Variants in CDH12 observed in about 807,000 individuals in gnomAD.
CDH12 encodes cadherin-12.
Under a neutral mutation model 74.1 loss-of-function variants are expected in CDH12, and 41 were observed. The observed-to-expected ratio is 0.55, with a 90% CI of 0.43 to 0.72. CDH12 has a LOEUF of 0.72. CDH12 is among the 30% of genes least tolerant of loss of function. The probability of loss-of-function intolerance (pLI) is 0.00; values close to 1 mark genes in which losing one functional copy is unlikely to be tolerated. For synonymous variants in CDH12, 399 were observed against 355.0 expected (o/e 1.12, Z -1.39); for missense variants, 945 against 977.2 (o/e 0.97, Z 0.44).
intron 3 of CDH12, among the ~76,000 whole-genome samples, chr5:22,287,450 C>A (rs1398201618): frequency 6.6e-6 from 1 of 151,856 alleles, no homozygotes; most frequent in Admixed American, 6.6e-5. Flanking sequence ...ACAGGCTGGG[C>A]GCGGTGGCTC....
intron 1 of CDH12, among the ~76,000 whole-genome samples, chr5:22,704,911 T>G (rs1164353919): frequency 6.6e-6 from 1 of 151,956 alleles, no homozygotes; most frequent in Non-Finnish European, 1.5e-5. Flanking sequence ...TTATACAATG[T>G]ATAAAAAACA....
chr5:22,381,920 A>AAT (rs1005645266), intron 3 of CDH12, among the ~76,000 whole-genome samples: 27 of 149,800 alleles, frequency 1.8e-4, no homozygotes, highest in Admixed American at 1.1e-3. Context: ...ATTTAATGGA[A>AAT]ATATATATAT....
chr5:21,990,654 T>A, intron 5 of CDH12, among the ~76,000 whole-genome samples: 1 of 152,044 alleles, frequency 6.6e-6, no homozygotes, highest in Non-Finnish European at 1.5e-5. Flanking sequence ...TAGAAAAAGC[T>A]ATCAAGCTTC....
At chr5:21,966,460 CAG>C (rs922211033) in intron 6 of CDH12, among the ~76,000 whole-genome samples, 5 of 152,060 alleles carry the variant, frequency 3.3e-5, no homozygotes, top group Non-Finnish European at 7.4e-5. Flanking sequence ...ATTTAGCTCA[CAG>C]AGTTTAGCTT....
At position 21,886,670 on chromosome 5, in the gene CDH12, A is replaced by G. The variant is rs560534331; in HGVS notation, c.527-31880T>C. On this transcript the variant is annotated intron_variant, in intron 6 of 14. Transcript: ENST00000382254. ...TTTTTTTCCATTAACATGTCTTCAA[A>G]TATTACACATAAGCACTTAATCTCT... is the stretch of plus-strand genomic sequence containing the variant. Among the ~76,000 whole-genome samples the G allele has an allele frequency of 2.3e-4, 34 of 150,790 alleles. No individual in the cohort carries two copies. In the South Asian group the frequency reaches 2.3e-3, roughly 10 times the overall value.
intron 11 of CDH12, among the ~76,000 whole-genome samples, chr5:21,769,074 G>A (rs1208870533): frequency 6.6e-6 from 1 of 151,964 alleles, no homozygotes; most frequent in Admixed American, 6.6e-5. Context: ...TAGTCCATTC[G>A]TGATAAAAAC....
At chr5:22,731,360 T>G (rs1372259910) in intron 1 of CDH12, among the ~76,000 whole-genome samples, 1 of 151,866 alleles carries the variant, frequency 6.6e-6, no homozygotes, top group Non-Finnish European at 1.5e-5. Flanking sequence ...ATTATAAAAT[T>G]AGTAAGTGTA....
At chr5:22,301,087 C>T (rs1340551695) in intron 3 of CDH12, among the ~76,000 whole-genome samples, 1 of 151,924 alleles carries the variant, frequency 6.6e-6, no homozygotes, top group Non-Finnish European at 1.5e-5. Flanking sequence ...ATTTTATATA[C>T]TTTGTCCTTT....
intron 1 of CDH12, among the ~76,000 whole-genome samples, chr5:22,725,384 T>G (rs1744112417): frequency 6.6e-6 from 1 of 151,890 alleles, no homozygotes; most frequent in African/African-American, 2.4e-5. Flanking sequence ...TACTGTTTAT[T>G]ATAGTATTGA....
chr5:22,441,857 C>T (rs1370871117), intron 2 of CDH12, among the ~76,000 whole-genome samples: 1 of 152,016 alleles, frequency 6.6e-6, no homozygotes, highest in Non-Finnish European at 1.5e-5. Context: ...GCGTCTGCCA[C>T]CATGCCTGGC....
At chr5:22,452,355 C>A (rs1233852086) in intron 2 of CDH12, among the ~76,000 whole-genome samples, 2 of 151,726 alleles carry the variant, frequency 1.3e-5, no homozygotes, top group African/African-American at 4.8e-5. Context: ...ACAGCATAAT[C>A]CTAGCATAAA....
At position 22,368,073 on chromosome 5, in the gene CDH12, T is replaced by C. The variant is rs540052652; in HGVS notation, c.-333+37184A>G. 3.3e-5 allele frequency among the ~76,000 whole-genome samples: 5 copies of C among 152,296 alleles called. No individual in the cohort carries two copies. In the South Asian group the frequency reaches 1.0e-3, roughly 32 times the overall value. On this transcript the variant is annotated intron_variant, in intron 3 of 14. Transcript: ENST00000382254. ...AATGTAACTTCTGCAGTCTTCTATA[T>C]CTATAGACATATGTTAAGGCAAATT...
intron 1 of CDH12, among the ~76,000 whole-genome samples, chr5:22,782,484 C>G (rs1329684332): frequency 6.6e-6 from 1 of 152,146 alleles, no homozygotes; most frequent in African/African-American, 2.4e-5. Flanking sequence ...CTTTTGCTTT[C>G]CGTCATAATT....
At chr5:22,256,344 C>T (rs1460730918) in intron 3 of CDH12, among the ~76,000 whole-genome samples, 1 of 152,060 alleles carries the variant, frequency 6.6e-6, no homozygotes, top group Non-Finnish European at 1.5e-5. Context: ...ACACTGTAGC[C>T]ACCTTAACAT....
chr5:22,828,378 A>T (rs935866601), intron 1 of CDH12, among the ~76,000 whole-genome samples: 1 of 152,168 alleles, frequency 6.6e-6, no homozygotes, highest in Non-Finnish European at 1.5e-5. Flanking sequence ...GGTTTTGGAT[A>T]AAAAAATTTG....
At chr5:21,994,930 G>A (rs1339558826) in intron 5 of CDH12, among the ~76,000 whole-genome samples, 2 of 152,122 alleles carry the variant, frequency 1.3e-5, no homozygotes, top group Admixed American at 6.5e-5. Context: ...AGCCAGCAAC[G>A]GCAACGGAGT....
chr5:21,846,012 C>T (rs1162762144), intron 7 of CDH12, among the ~76,000 whole-genome samples: 1 of 152,126 alleles, frequency 6.6e-6, no homozygotes, highest in Non-Finnish European at 1.5e-5. Context: ...GCATGTTCAA[C>T]ATGGAGGCTC....
At chr5:21,898,592 C>G (rs957674917) in intron 6 of CDH12, among the ~76,000 whole-genome samples, 3 of 151,892 alleles carry the variant, frequency 2.0e-5, no homozygotes, top group Non-Finnish European at 2.9e-5. Flanking sequence ...GTCCCAGCTA[C>G]TCGGGAGGCT....
intron 4 of CDH12, among the ~76,000 whole-genome samples, chr5:22,136,476 T>C (rs1471322714): frequency 6.6e-6 from 1 of 151,912 alleles, no homozygotes; most frequent in Non-Finnish European, 1.5e-5. Flanking sequence ...AATCATGCCA[T>C]CTCACAATAT....
Sources: allele counts gnomAD v4.1 joint callset (sites outside exome capture counted in the v4.1 genomes callset), GRCh38; gene constraint gnomAD v4.1.1; transcripts MANE v1.5; gene names NCBI Gene and HGNC (gene_info 2026-07-23, HGNC 2026-07-21).